NFIB: variants seen among roughly 807,000 people sequenced by gnomAD.
NFIB encodes nuclear factor 1 B-type.
In NFIB, 11 loss-of-function variants were observed where a neutral mutation model predicts 61.5. That is an observed-to-expected ratio of 0.18 (90% CI 0.11 to 0.30). The LOEUF (loss-of-function observed/expected upper bound fraction) is 0.30, where lower values mean the gene tolerates loss of function less well. Ranked by LOEUF, NFIB falls within the 10% of genes least tolerant of loss-of-function variation. The pLI is 1.00. For missense variants in NFIB, 471 were observed against 608.9 expected (o/e 0.77, Z 2.38); for synonymous variants, 260 against 216.5 (o/e 1.20, Z -1.76).
intron 1 of NFIB, among the ~76,000 whole-genome samples, chr9:14,388,821 T>C (rs1448923076): frequency 6.6e-6 from 1 of 152,228 alleles, no homozygotes; most frequent in Non-Finnish European, 1.5e-5. Context: ...AGTAAATACA[T>C]AGTTTTAAAA....
intron 5 of NFIB, among the ~76,000 whole-genome samples, chr9:14,147,513 T>C (rs944816613): frequency 6.6e-6 from 1 of 151,974 alleles, no homozygotes; most frequent in Non-Finnish European, 1.5e-5. Flanking sequence ...ATTTTACTGA[T>C]TATAAACTAT....
At chr9:14,264,133 T>C (rs1261021160) in intron 2 of NFIB, among the ~76,000 whole-genome samples, 1 of 152,094 alleles carries the variant, frequency 6.6e-6, no homozygotes, top group African/African-American at 2.4e-5. Context: ...GGGAAACAAA[T>C]TTCCTAGTGA....
chr9:14,253,469 C>A (rs545792187), intron 2 of NFIB, among the ~76,000 whole-genome samples: 1 of 152,184 alleles, frequency 6.6e-6, no homozygotes, highest in Admixed American at 6.5e-5. Context: ...AAACAGCCCA[C>A]AAAACTCCCA....
intron 3 of NFIB, among the ~76,000 whole-genome samples, chr9:14,177,256 A>G (rs2046293864): frequency 6.6e-6 from 1 of 152,182 alleles, no homozygotes. Flanking sequence ...AAGATAAATT[A>G]TGTCCTAAAA....
At chr9:14,172,819 C>T (rs1236333483) in intron 3 of NFIB, among the ~76,000 whole-genome samples, 4 of 151,802 alleles carry the variant, frequency 2.6e-5, no homozygotes, top group Non-Finnish European at 4.4e-5. Context: ...ACCCAGGCTG[C>T]TGTGCAATGA....
chr9:14,438,490 A>AT, the NFIB span, among the ~76,000 whole-genome samples: 1 of 152,154 alleles, frequency 6.6e-6, no homozygotes, highest in African/African-American at 2.4e-5. Context: ...GCCTGGAGTG[A>AT]TTTTCCCCCT....
At chr9:14,345,834 C>T (rs1342368051) in intron 1 of NFIB, among the ~76,000 whole-genome samples, 2 of 152,216 alleles carry the variant, frequency 1.3e-5, no homozygotes. Context: ...ACACCCCTCC[C>T]TCTTCAAACG....
chr9:14,203,039 A>G (rs1258769535), intron 2 of NFIB, among the ~76,000 whole-genome samples: 1 of 152,200 alleles, frequency 6.6e-6, no homozygotes, highest in Non-Finnish European at 1.5e-5. Context: ...CATGCCTTGC[A>G]GGGGACATTT....
chr9:14,283,502 G>A (rs2058513523), intron 2 of NFIB, among the ~76,000 whole-genome samples: 1 of 152,160 alleles, frequency 6.6e-6, no homozygotes, highest in Non-Finnish European at 1.5e-5. Context: ...CTAGCATCTT[G>A]ACTGAAAGTT....
intron 1 of NFIB, among the ~76,000 whole-genome samples, chr9:14,323,808 T>G (rs1182301969): frequency 1.3e-5 from 2 of 152,248 alleles, no homozygotes; most frequent in East Asian, 1.9e-4. Context: ...AAAAAAGGCA[T>G]GGCCTTATTA....
At chr9:14,127,039 TTCAC>T (rs1470519637) in intron 6 of NFIB, among the ~76,000 whole-genome samples, 2 of 152,200 alleles carry the variant, frequency 1.3e-5, no homozygotes, top group African/African-American at 4.8e-5. Context: ...TCGGGCTTCA[TTCAC>T]TCATTCATTT....
chr9:14,378,784 C>T (rs973789590), intron 1 of NFIB, among the ~76,000 whole-genome samples: 5 of 152,146 alleles, frequency 3.3e-5, no homozygotes, highest in Admixed American at 1.3e-4. Context: ...AGCATAGGAC[C>T]GTGATTGTTA....
chr9:14,114,025 T>C (rs1250773365), intron 9 of NFIB, among the ~76,000 whole-genome samples: 1 of 152,224 alleles, frequency 6.6e-6, no homozygotes, highest in Non-Finnish European at 1.5e-5. Flanking sequence ...ATTACCTTTA[T>C]TGTTCTGAAG....
Position 14,235,699 on chromosome 9 carries a change from T to A in NFIB, c.563-55919A>T, listed in dbSNP as rs148897813. On this transcript the variant is annotated intron_variant, in intron 2 of 10. Transcript: ENST00000380953. ...TGCTGAATTACAATTAGGTGCTAAA[T>A]CACCTTCAAAGAATGAACAACCTTT... Among the ~76,000 whole-genome samples the A allele has an allele frequency of 3.4e-3, 513 of 152,330 alleles. 4 individuals are homozygous for A. Among genetic ancestry groups the A allele is most frequent in the African/African-American group, 0.012 (496 of 41,588 alleles).
chr9:14,089,688 C>T (rs1185883714), intron 10 of NFIB, among the ~76,000 whole-genome samples: 1 of 150,086 alleles, frequency 6.7e-6, no homozygotes, highest in African/African-American at 2.5e-5. Context: ...CTTTGCTTTA[C>T]TTTTGAAACC....
chr9:14,399,403 G>T (rs2061720305), upstream of NFIB, among the ~76,000 whole-genome samples: 1 of 152,134 alleles, frequency 6.6e-6, no homozygotes, highest in South Asian at 2.1e-4. Context: ...TCTAAATAAA[G>T]TATGAAAAGA....
rs151304455 is a variant in NFIB at position 14,180,955 on chromosome 9, A to G, written c.563-1175T>C. On this transcript the variant is annotated intron_variant, in intron 2 of 10. Transcript: ENST00000380953. ...TGACGGCTCTGTCATGTACTGCCATATACTGACAAGTCTCTTCCCCCAAAC... is the reference window on the plus strand; with the variant it reads ...TGACGGCTCTGTCATGTACTGCCATGTACTGACAAGTCTCTTCCCCCAAAC... Among the ~76,000 whole-genome samples the G allele has an allele frequency of 5.9e-5, 9 of 152,326 alleles. No individual in the cohort carries two copies. In the East Asian group the frequency reaches 1.4e-3, roughly 23 times the overall value.
At position 14,313,646 on chromosome 9, in the gene NFIB, C is replaced by T; in HGVS notation, c.-135G>A. 5 of 1,537,610 alleles carry T rather than the reference C, an allele frequency of 3.3e-6. No homozygotes were observed. In the Admixed American group the frequency reaches 5.8e-5, roughly 18 times the overall value. ...AGGACGGGGCTCTGCGCTGGATCAC[C>T]GCAACTTCACAACAAACCCAGTCCT... On this transcript the variant is annotated 5_prime_UTR_variant, in exon 1 of 11. Transcript: ENST00000380953. This position sits in a 1 kb window ranked among gnomAD's most constrained non-coding sequence, Gnocchi z 4.5.
At chr9:14,406,860 T>C in the NFIB span, among the ~76,000 whole-genome samples, 4 of 152,220 alleles carry the variant, frequency 2.6e-5, no homozygotes, top group Admixed American at 1.3e-4. Context: ...TTGACCTCTT[T>C]AGCGATTACG....
Sources: gnomAD v4.1 joint callset for allele counts (sites outside exome capture counted in the v4.1 genomes callset) on GRCh38, gnomAD v4.1.1 for gene constraint, Gnocchi (gnomAD v3.1) non-coding constraint, MANE v1.5 for transcripts, NCBI Gene and HGNC (gene_info 2026-07-23, HGNC 2026-07-21) for gene names.